The following KDM4C variants were observed in gnomAD, a reference collection of about 807,000 sequenced individuals.
KDM4C encodes lysine demethylase 4C, also known as lysine-specific demethylase 4C.
Under a neutral mutation model 129.3 loss-of-function variants are expected in KDM4C, and 81 were observed. That is an observed-to-expected ratio of 0.63 (90% CI 0.52 to 0.75). The LOEUF (loss-of-function observed/expected upper bound fraction) is 0.75. Among genes scored for constraint, KDM4C ranks in the 30% least tolerant of loss-of-function variants. KDM4C has a pLI of 0.00. For synonymous variants in KDM4C, 573 were observed against 456.1 expected, an observed-to-expected ratio of 1.26 and a Z score of -3.26; for missense variants, 1,457 against 1,304.0, an observed-to-expected ratio of 1.12 and a Z score of -1.81.
intron 17 of KDM4C, among the ~76,000 whole-genome samples, chr9:7,100,914 C>A (rs1837008036): frequency 6.6e-6 from 1 of 152,072 alleles, no homozygotes; most frequent in Non-Finnish European, 1.5e-5. Context: ...TAGTTCTTAT[C>A]TACTTTGGTT....
intron 4 of KDM4C, among the ~76,000 whole-genome samples, chr9:6,833,624 G>C (rs1835314834): frequency 6.6e-6 from 1 of 152,152 alleles, no homozygotes; most frequent in East Asian, 1.9e-4. Flanking sequence ...AATAGTTGAT[G>C]GTAGTGTTTA....
chr9:6,959,336 C>G (rs1274805814), intron 8 of KDM4C, among the ~76,000 whole-genome samples: 1 of 152,196 alleles, frequency 6.6e-6, no homozygotes, highest in African/African-American at 2.4e-5. Context: ...AAGTGTTGGT[C>G]TGTTTCTTTG....
chr9:6,991,433 A>G (rs1022511605), intron 12 of KDM4C, among the ~76,000 whole-genome samples: 1 of 152,070 alleles, frequency 6.6e-6, no homozygotes, highest in Non-Finnish European at 1.5e-5. Flanking sequence ...GTTGCCTCAA[A>G]TTAAAAATCA....
intron 5 of KDM4C, among the ~76,000 whole-genome samples, chr9:6,875,411 A>C (rs926377492): frequency 1.5e-4 from 23 of 152,154 alleles, no homozygotes; most frequent in African/African-American, 5.1e-4. Flanking sequence ...TTGAGCTGAG[A>C]TTTGAAAGAG....
chr9:6,762,587 T>C (rs1377515767), intron 1 of KDM4C, among the ~76,000 whole-genome samples: 1 of 149,166 alleles, frequency 6.7e-6, no homozygotes, highest in Non-Finnish European at 1.5e-5. Flanking sequence ...TATAATTTTA[T>C]AATATAAATA....
chr9:6,757,558 C>T (rs998772196), upstream of KDM4C: 2 of 897,086 alleles, frequency 2.2e-6, no homozygotes, highest in Admixed American at 6.2e-5. Context: ...GAGCTGCGAG[C>T]CCCGACTTTC....
intron 1 of KDM4C, among the ~76,000 whole-genome samples, chr9:6,787,879 T>A (rs1469539572): frequency 6.6e-6 from 1 of 152,210 alleles, no homozygotes; most frequent in Admixed American, 6.5e-5. Flanking sequence ...ACTGGATAAC[T>A]AAGAGGGGGA....
At chr9:6,901,874 G>C (rs767273620) in intron 8 of KDM4C, among the ~76,000 whole-genome samples, 1 of 152,178 alleles carries the variant, frequency 6.6e-6, no homozygotes. Flanking sequence ...CTGTATAGTG[G>C]CGCTTACAGA....
chr9:7,048,318 A>G (rs900572594), intron 16 of KDM4C, among the ~76,000 whole-genome samples: 3 of 152,164 alleles, frequency 2.0e-5, no homozygotes, highest in Non-Finnish European at 4.4e-5. Flanking sequence ...GTCTTGAAAG[A>G]CAGGATAGAG....
At chr9:6,982,092 G>A (rs1051595922) in intron 9 of KDM4C, 2 of 151,682 alleles carry the variant, frequency 1.3e-5, no homozygotes, top group African/African-American at 4.8e-5. Context: ...TTGATTTGCT[G>A]CAACATGATT....
Position 6,732,384 on chromosome 9 carries a change from AAAAAAAAAAAAAAAAAAGAAT to A in KDM4C, c.49+11388_49+11408del, listed in dbSNP as rs1435569221. On this transcript the variant is annotated intron_variant, in intron 1 of 17. Transcript: ENST00000536108. Reference sequence around the variant, plus strand: ...TGTCTCAAAAAAAAAAAAAAAAAAAAAAAAAAAAAAAAAAAAAGAATGAGGCCGGAAGTTGTGGCTCACACA... The same window carrying A: ...TGTCTCAAAAAAAAAAAAAAAAAAAAGAGGCCGGAAGTTGTGGCTCACACA... Among the ~76,000 whole-genome samples, 132 of 143,524 alleles carry A rather than the reference AAAAAAAAAAAAAAAAAAGAAT, an allele frequency of 9.2e-4. 1 individual carries two copies. The highest frequency in any genetic ancestry group is 3.4e-3 in the Middle Eastern group (1 of 292). 94.2% of individuals were successfully genotyped at this position (143,524 alleles called of 152,430 possible).
chr9:7,146,169 C>T (rs1280609889), intron 19 of KDM4C, among the ~76,000 whole-genome samples: 1 of 152,072 alleles, frequency 6.6e-6, no homozygotes, highest in Non-Finnish European at 1.5e-5. Context: ...ACAGTAAGAT[C>T]CCAATTATGT....
At chr9:6,872,785 C>T (rs1334448618) in intron 5 of KDM4C, among the ~76,000 whole-genome samples, 1 of 152,100 alleles carries the variant, frequency 6.6e-6, no homozygotes, top group Non-Finnish European at 1.5e-5. Flanking sequence ...GATGAGTCTC[C>T]TGAATACAGC....
chr9:7,167,469 T>A (rs1177217836), intron 20 of KDM4C, among the ~76,000 whole-genome samples: 1 of 152,222 alleles, frequency 6.6e-6, no homozygotes, highest in Non-Finnish European at 1.5e-5. Context: ...AGCTATGCTA[T>A]CAACTAAGTT....
chr9:6,855,391 A>G (rs56172510), intron 5 of KDM4C, among the ~76,000 whole-genome samples: 64,286 of 145,234 alleles, frequency 0.44, 14,685 homozygotes, highest in East Asian at 0.63. Flanking sequence ...CCCAGGAGGC[A>G]GAGGTTGTGG....
chr9:6,728,858 AAAAC>A (rs1254277183), intron 1 of KDM4C, among the ~76,000 whole-genome samples: 2 of 151,956 alleles, frequency 1.3e-5, no homozygotes, highest in Non-Finnish European at 2.9e-5. Context: ...AAAACAAAAC[AAAAC>A]AAACAAAAAG....
chr9:7,098,433 C>T (rs1439754437), intron 17 of KDM4C, among the ~76,000 whole-genome samples: 4 of 152,164 alleles, frequency 2.6e-5, no homozygotes, highest in Admixed American at 6.5e-5. Flanking sequence ...CATTATGAGC[C>T]ATTTATTTTA....
At chr9:6,790,640 C>T (rs779823817) in intron 1 of KDM4C, among the ~76,000 whole-genome samples, 1 of 100,320 alleles carries the variant, frequency 1.0e-5, no homozygotes, top group Non-Finnish European at 1.8e-5. Flanking sequence ...TTCTGTCAGG[C>T]AGATTAAATT....
intron 18 of KDM4C, among the ~76,000 whole-genome samples, chr9:7,111,178 C>G (rs1254753040): frequency 6.6e-6 from 1 of 151,874 alleles, no homozygotes; most frequent in African/African-American, 2.4e-5. Flanking sequence ...AAGCTGCGTT[C>G]TAAAGGCTTT....
Sources: gnomAD v4.1 joint callset for allele counts (sites outside exome capture counted in the v4.1 genomes callset) on GRCh38, gnomAD v4.1.1 for gene constraint, MANE v1.5 for transcripts, NCBI Gene and HGNC (gene_info 2026-07-23, HGNC 2026-07-21) for gene names.